CDC16: variants seen among roughly 807,000 people sequenced by gnomAD.
The protein encoded by CDC16 is cell division cycle 16.
CDC16 carries 34 observed loss-of-function variants against 87.0 expected under a neutral mutation model. That is an observed-to-expected ratio of 0.39 (90% CI 0.30 to 0.52). The LOEUF is 0.52. CDC16 is among the 20% of genes least tolerant of loss of function. CDC16 has a pLI of 0.74. For missense variants in CDC16, 653 were observed against 751.9 expected, an observed-to-expected ratio of 0.87 and a Z score of 1.54; for synonymous variants, 263 against 260.6, an observed-to-expected ratio of 1.01 and a Z score of -0.09.
At chr13:114,266,601 G>C (rs563006630) in intron 17 of CDC16, among the ~76,000 whole-genome samples, 44 of 152,094 alleles carry the variant, frequency 2.9e-4, no homozygotes, top group African/African-American at 1.1e-3. Flanking sequence ...TTAGAACCTG[G>C]GTTTCGTTTC....
At chr13:114,238,924 C>T (rs894773978) in intron 3 of CDC16, 66 bp from the exon 4 acceptor site, 9 of 1,537,800 alleles carry the variant, frequency 5.9e-6, no homozygotes, top group Middle Eastern at 3.8e-4. Flanking sequence ...ATGCTTATGG[C>T]TTTCTTTGAA....
At chr13:114,269,703 T>C in intron 17 of CDC16, among the ~76,000 whole-genome samples, 1 of 151,598 alleles carries the variant, frequency 6.6e-6, no homozygotes. Flanking sequence ...CAGATTTTTT[T>C]ATTTTTTATT....
intron 12 of CDC16, among the ~76,000 whole-genome samples, chr13:114,256,693 G>GCC (rs1206079753): frequency 6.6e-6 from 1 of 152,226 alleles, no homozygotes; most frequent in Non-Finnish European, 1.5e-5. Flanking sequence ...AAGGGAAGTA[G>GCC]AAGTTGAACC....
chr13:114,235,707 C>T lies in CDC16; in HGVS notation c.48+575C>T, dbSNP rs11841325. ...TTGTTGTTTATTTTTTGTTGAAATG[C>T]TTGCTCTTTCAGGAAATTGGAAAGA... On this transcript the variant is annotated intron_variant, in intron 1 of 17. Transcript: ENST00000356221. Among the ~76,000 whole-genome samples the T allele has an allele frequency of 8.7e-3, 1,318 of 152,250 alleles. 15 individuals carry two copies. The highest frequency in any genetic ancestry group is 0.03 in the African/African-American group (1,226 of 41,550).
At chr13:114,238,804 T>C (rs1483096380) in intron 3 of CDC16, among the ~76,000 whole-genome samples, 186 bp from the exon 4 acceptor site, 1 of 152,220 alleles carries the variant, frequency 6.6e-6, no homozygotes, top group Non-Finnish European at 1.5e-5. Flanking sequence ...TGCTTTTGAA[T>C]CCTTGGTGCC....
In CDC16 at chr13:114,235,008, C is replaced by T; in HGVS notation, c.-77C>T. On this transcript the variant is annotated 5_prime_UTR_variant, in exon 1 of 18. Coordinates refer to ENST00000356221, the MANE Select transcript of CDC16 (RefSeq NM_001078645.3). Reference sequence around the variant, plus strand: ...CGGCGGCTGCAGGCACGGGCACGGGCACGGGGCGGGGTGCTTAGGGTGCAG... The same window carrying T: ...CGGCGGCTGCAGGCACGGGCACGGGTACGGGGCGGGGTGCTTAGGGTGCAG... The T allele has an allele frequency of 1.7e-6, 2 of 1,157,192 alleles. No individual in the cohort carries two copies. The highest frequency in any genetic ancestry group is 2.2e-6 in the Non-Finnish European group (2 of 915,204). 71.7% of individuals were successfully genotyped at this position (1,157,192 alleles called of 1,614,324 possible).
rs1208331829 is a variant in CDC16 at position 114,247,870 on chromosome 13, C to CT, written c.971+867dup. Among the ~76,000 whole-genome samples, 3 of 151,904 alleles carry CT rather than the reference C, an allele frequency of 2.0e-5. No homozygotes were observed. The East Asian group carries it at 5.8e-4, about 29-fold the overall frequency. On this transcript the variant is annotated intron_variant, in intron 11 of 17. Coordinates refer to ENST00000356221, the MANE Select transcript of CDC16 (RefSeq NM_001078645.3). ...CAGTCTGGGTGACAAGAGCAAAACT[C>CT]TGTCTCAAAAAAATAATAATAATAA...
chr13:114,260,774 T>A (rs530764593), intron 14 of CDC16, among the ~76,000 whole-genome samples: 8 of 151,818 alleles, frequency 5.3e-5, no homozygotes, highest in Middle Eastern at 3.4e-3. Flanking sequence ...TGCCTAAGAG[T>A]CATTAAATGA....
intron 13 of CDC16, among the ~76,000 whole-genome samples, chr13:114,257,613 G>A (rs2082586177): frequency 1.3e-5 from 2 of 152,080 alleles, no homozygotes; most frequent in Non-Finnish European, 2.9e-5. Flanking sequence ...TTTCTATTTA[G>A]TTACTAGTAA....
In CDC16 at chr13:114,256,696, G is replaced by C. The variant is rs144873562; in HGVS notation, c.1098-382G>C. ...GGTAGCTTCATAAAGGGAAGTAGAA[G>C]TTGAACCCAATCTTGAAGGATAAAT... On this transcript the variant is annotated intron_variant, in intron 12 of 17. Coordinates refer to ENST00000356221, the MANE Select transcript of CDC16 (RefSeq NM_001078645.3). Among the ~76,000 whole-genome samples the C allele has an allele frequency of 9.7e-3, 1,484 of 152,310 alleles. 22 individuals are homozygous for C. Among genetic ancestry groups the C allele is most frequent in the African/African-American group, 0.034 (1,410 of 41,556 alleles).
chr13:114,250,703 A>T lies in CDC16; in HGVS notation c.1097+29A>T, dbSNP rs553052451. ...CGGCAGAGCAAACTCATCAAACTCCATGAAGGGATGTTTTTCCTAATAGAA... is the reference window on the plus strand; with the variant it reads ...CGGCAGAGCAAACTCATCAAACTCCTTGAAGGGATGTTTTTCCTAATAGAA... On this transcript the variant is annotated intron_variant, in intron 12 of 17. Coordinates refer to ENST00000356221, the MANE Select transcript of CDC16 (RefSeq NM_001078645.3). 6.8e-6 allele frequency: 11 copies of T among 1,606,340 alleles called. No homozygotes were observed. In the South Asian group the frequency reaches 1.1e-4, roughly 16 times the overall value.
intron 17 of CDC16, among the ~76,000 whole-genome samples, chr13:114,267,343 A>C: frequency 1.3e-5 from 1 of 77,026 alleles, no homozygotes; most frequent in African/African-American, 9.3e-5. Context: ...AAAACAATAC[A>C]AAAAAAAACT....
intron 3 of CDC16, among the ~76,000 whole-genome samples, chr13:114,237,863 C>A (rs2138851257): frequency 6.6e-6 from 1 of 152,310 alleles, no homozygotes; most frequent in African/African-American, 2.4e-5. Context: ...TGAACTATTA[C>A]AGGAGTGAGT....
intron 17 of CDC16, among the ~76,000 whole-genome samples, chr13:114,269,937 C>T (rs1441614601): frequency 6.6e-6 from 1 of 152,146 alleles, no homozygotes; most frequent in Non-Finnish European, 1.5e-5. Context: ...AACTCCTGAC[C>T]TCGGGTGATC....
At chr13:114,264,145 C>CTT (rs1261054198) in intron 16 of CDC16, 1 of 152,168 alleles carries the variant, frequency 6.6e-6, no homozygotes, top group Non-Finnish European at 1.5e-5. Flanking sequence ...CACCAGAACA[C>CTT]TGAGTTTGTC....
chr13:114,256,954 A>T, intron 12 of CDC16, 124 bp from the exon 13 acceptor site: 1 of 569,728 alleles, frequency 1.8e-6, no homozygotes, highest in Non-Finnish European at 3.0e-6. Context: ...TTAAGAGAAA[A>T]AAGTAAATGC....
chr13:114,239,537 C>T lies in CDC16; in HGVS notation c.381+47C>T, dbSNP rs371191189. On this transcript the variant is annotated intron_variant, in intron 5 of 17. Transcript: ENST00000356221. ...GCTCAGTAACGGCGGCGAGAATTGCCCTCATTACGTGGCAGAAACACATTA... is the reference window on the plus strand; with the variant it reads ...GCTCAGTAACGGCGGCGAGAATTGCTCTCATTACGTGGCAGAAACACATTA... 13 of 1,460,858 alleles carry T rather than the reference C, an allele frequency of 8.9e-6. No homozygotes were observed. The African/African-American group carries it at 1.8e-4, about 21-fold the overall frequency. The allele number at this position is 1,460,858 out of a possible 1,614,324, so 90.5% of individuals were successfully genotyped here.
chr13:114,261,049 C>T (rs2082827883), intron 14 of CDC16, among the ~76,000 whole-genome samples: 1 of 152,120 alleles, frequency 6.6e-6, no homozygotes, highest in African/African-American at 2.4e-5. Context: ...CAGAGAAAGG[C>T]AGTTCACCCA....
intron 11 of CDC16, among the ~76,000 whole-genome samples, chr13:114,248,591 G>A (rs2081988470): frequency 6.6e-6 from 1 of 152,024 alleles, no homozygotes; most frequent in Admixed American, 6.6e-5. Context: ...TGAGGGAGGA[G>A]AATTGTTTGA....
Sources: gnomAD v4.1 joint callset for allele counts (sites outside exome capture counted in the v4.1 genomes callset) on GRCh38, gnomAD v4.1.1 for gene constraint, MANE v1.5 for transcripts, NCBI Gene and HGNC (gene_info 2026-07-23, HGNC 2026-07-21) for gene names.